Variants in REDIC1 observed in about 807,000 individuals in gnomAD.
The protein encoded by REDIC1 is regulator of DNA class I crossover intermediates 1.
the REDIC1 span, among the ~76,000 whole-genome samples, chr12:39,883,849 G>C: frequency 6.6e-6 from 1 of 152,138 alleles, no homozygotes; most frequent in African/African-American, 2.4e-5. Context: ...GAACATGCAG[G>C]ATGAAGTGAA....
chr12:39,862,547 T>C, the REDIC1 span, among the ~76,000 whole-genome samples: 2 of 152,206 alleles, frequency 1.3e-5, no homozygotes, highest in South Asian at 2.1e-4. Context: ...AAACTACTTC[T>C]CCTTTAAAAT....
the REDIC1 span, among the ~76,000 whole-genome samples, chr12:39,788,434 A>T: frequency 6.6e-6 from 1 of 152,314 alleles, no homozygotes; most frequent in East Asian, 1.9e-4. Flanking sequence ...TAGCTGAGAC[A>T]GCATGGATAT....
the REDIC1 span, among the ~76,000 whole-genome samples, chr12:39,779,178 A>T: frequency 6.6e-6 from 1 of 152,158 alleles, no homozygotes; most frequent in African/African-American, 2.4e-5. Flanking sequence ...TTTTTCTTAC[A>T]GTTTTGCTCT....
At chr12:39,667,088 T>A in the REDIC1 span, among the ~76,000 whole-genome samples, 1 of 152,230 alleles carries the variant, frequency 6.6e-6, no homozygotes, top group Non-Finnish European at 1.5e-5. Context: ...CTGATCTTAC[T>A]TATTTCTTGC....
chr12:39,683,197 T>A, the REDIC1 span: 1 of 1,458,112 alleles, frequency 6.9e-7, no homozygotes, highest in Non-Finnish European at 9.2e-7. Flanking sequence ...TCAGTTTTAG[T>A]ATATATATTT....
the REDIC1 span, among the ~76,000 whole-genome samples, chr12:39,732,323 T>C: frequency 6.6e-6 from 1 of 152,202 alleles, no homozygotes; most frequent in African/African-American, 2.4e-5. Context: ...TCCTGTATAT[T>C]TCCTACAAAT....
the REDIC1 span, among the ~76,000 whole-genome samples, chr12:39,907,355 C>A: frequency 1.3e-5 from 2 of 152,002 alleles, no homozygotes; most frequent in African/African-American, 4.8e-5. Context: ...TCCTAATTTT[C>A]TCAATGAAGA....
At chr12:39,670,774 G>A in the REDIC1 span, among the ~76,000 whole-genome samples, 1 of 147,866 alleles carries the variant, frequency 6.8e-6, no homozygotes, top group African/African-American at 2.5e-5. Context: ...ATCTGACTGG[G>A]TTATTTTGAA....
At chr12:39,826,923 G>T in the REDIC1 span, among the ~76,000 whole-genome samples, 1 of 124,554 alleles carries the variant, frequency 8.0e-6, no homozygotes. Context: ...ACACCTGGTG[G>T]CTTCCTTGCC....
the REDIC1 span, chr12:39,626,275 G>C: frequency 7.5e-6 from 12 of 1,597,310 alleles, no homozygotes; most frequent in South Asian, 5.6e-5. Flanking sequence ...CTGCGATTTG[G>C]CGCAGAGCTG....
At chr12:39,750,037 C>T in the REDIC1 span, among the ~76,000 whole-genome samples, 1 of 152,160 alleles carries the variant, frequency 6.6e-6, no homozygotes, top group East Asian at 1.9e-4. Context: ...TCACCACTCC[C>T]ATTCAAGATA....
the REDIC1 span, among the ~76,000 whole-genome samples, chr12:39,765,624 C>CA: frequency 6.6e-6 from 1 of 152,098 alleles, no homozygotes; most frequent in Non-Finnish European, 1.5e-5. Flanking sequence ...ATGAACTCAT[C>CA]ATAACATTCC....
the REDIC1 span, chr12:39,755,178 T>C: frequency 1.3e-5 from 2 of 152,126 alleles, no homozygotes; most frequent in African/African-American, 4.8e-5. Flanking sequence ...TAAATCTCCA[T>C]AAAATATACA....
At chr12:39,660,085 T>A in the REDIC1 span, among the ~76,000 whole-genome samples, 36 of 152,324 alleles carry the variant, frequency 2.4e-4, no homozygotes, top group African/African-American at 8.7e-4. Context: ...AATCAAAATT[T>A]TCCCCCCTAG....
the REDIC1 span, among the ~76,000 whole-genome samples, chr12:39,773,349 G>C: frequency 6.6e-6 from 1 of 152,146 alleles, no homozygotes; most frequent in South Asian, 2.1e-4. Context: ...GCTAAAACCT[G>C]ATATACAGAC....
the REDIC1 span, among the ~76,000 whole-genome samples, chr12:39,853,097 C>T: frequency 6.6e-6 from 1 of 152,088 alleles, no homozygotes. Context: ...CAATTCTTTG[C>T]TCAAAACGCC....
At chr12:39,718,431 G>A in the REDIC1 span, among the ~76,000 whole-genome samples, 1 of 152,122 alleles carries the variant, frequency 6.6e-6, no homozygotes, top group South Asian at 2.1e-4. Context: ...GCAAAGCACT[G>A]ATGGAATCAA....
the REDIC1 span, among the ~76,000 whole-genome samples, chr12:39,670,498 G>A: frequency 1.3e-5 from 2 of 152,122 alleles, no homozygotes; most frequent in South Asian, 4.1e-4. Context: ...ACCTGTCTTT[G>A]ACTTTTGACT....
At chr12:39,653,492 G>GTCTTCT in the REDIC1 span, among the ~76,000 whole-genome samples, 731 of 54,330 alleles carry the variant, frequency 0.013, 38 homozygotes, top group Middle Eastern at 0.022. Flanking sequence ...CAATCTGGAT[G>GTCTTCT]TCTTCTTCTT....
Sources: gnomAD v4.1 joint callset for allele counts (sites outside exome capture counted in the v4.1 genomes callset) on GRCh38, gnomAD v4.1.1 for gene constraint, MANE v1.5 for transcripts, NCBI Gene and HGNC (gene_info 2026-07-23, HGNC 2026-07-21) for gene names.